Variants in CHN1 observed in about 807,000 individuals in gnomAD.
CHN1 encodes the protein N-chimaerin.
Under a neutral mutation model 59.5 loss-of-function variants are expected in CHN1, and 37 were observed. The ratio of observed to expected loss-of-function variants is 0.62; its 90% CI spans 0.48 to 0.82. The LOEUF (loss-of-function observed/expected upper bound fraction) is 0.82, where lower values mean the gene tolerates loss of function less well. Ranked by LOEUF, CHN1 falls within the 40% of genes least tolerant of loss-of-function variation. The pLI, the probability that CHN1 is intolerant of heterozygous loss-of-function variation, is 0.00. For missense variants in CHN1, 469 were observed against 571.0 expected, an observed-to-expected ratio of 0.82 and a Z score of 1.82; for synonymous variants, 206 against 200.4, an observed-to-expected ratio of 1.03 and a Z score of -0.24.
At chr2:174,841,567 C>T (rs1686303315) in intron 7 of CHN1, among the ~76,000 whole-genome samples, 1 of 152,098 alleles carries the variant, frequency 6.6e-6, no homozygotes, top group Non-Finnish European at 1.5e-5. Context: ...TTTTTGTCTT[C>T]TCTTGCAAGT....
chr2:174,943,984 T>C (rs1689750449), intron 3 of CHN1, among the ~76,000 whole-genome samples: 1 of 152,188 alleles, frequency 6.6e-6, no homozygotes, highest in Non-Finnish European at 1.5e-5. Context: ...TTTTCTATTC[T>C]TTCATATGAA....
chr2:174,868,145 T>C (rs1212268191), intron 6 of CHN1, among the ~76,000 whole-genome samples: 2 of 152,204 alleles, frequency 1.3e-5, no homozygotes, highest in Non-Finnish European at 2.9e-5. Flanking sequence ...CTTGGAAAAA[T>C]ATCTTAAATT....
At chr2:174,821,723 C>T (rs1398793770) in intron 8 of CHN1, 2 of 463,264 alleles carry the variant, frequency 4.3e-6, no homozygotes, top group Non-Finnish European at 8.9e-6. Flanking sequence ...AGAGTTGGAC[C>T]CTTACCAGAC....
chr2:174,855,264 T>C (rs1686866520), intron 6 of CHN1, among the ~76,000 whole-genome samples: 1 of 152,128 alleles, frequency 6.6e-6, no homozygotes, highest in African/African-American at 2.4e-5. Context: ...ATGCTCCAGT[T>C]ATCAAAGCTA....
intron 5 of CHN1, among the ~76,000 whole-genome samples, chr2:174,901,556 A>G (rs975478645): frequency 6.6e-6 from 1 of 152,216 alleles, no homozygotes; most frequent in Non-Finnish European, 1.5e-5. Context: ...ACAATTCATT[A>G]AAGTCTAATC....
At chr2:174,919,351 G>C (rs1688938010) in intron 3 of CHN1, among the ~76,000 whole-genome samples, 1 of 152,158 alleles carries the variant, frequency 6.6e-6, no homozygotes, top group Non-Finnish European at 1.5e-5. Context: ...ATTAAGCTGG[G>C]TGGTTAGCAA....
rs1689874049 is a variant in CHN1 at position 174,947,416 on chromosome 2, A to G, written c.59-2473T>C. ...CTGTTTCATAACGAGGAACTTTTAGACAAATGCCTCCTGATTGGCTACCAG... is the reference window on the plus strand; with the variant it reads ...CTGTTTCATAACGAGGAACTTTTAGGCAAATGCCTCCTGATTGGCTACCAG... On this transcript the variant is annotated intron_variant, in intron 2 of 12. Transcript: ENST00000409900. 8.5e-5 allele frequency among the ~76,000 whole-genome samples: 13 copies of G among 152,152 alleles called. No individual in the cohort carries two copies. The South Asian group carries it at 2.5e-3, about 29-fold the overall frequency.
intron 9 of CHN1, 64 bp from the exon 10 acceptor site, chr2:174,811,652 A>AG: frequency 2.1e-6 from 2 of 960,752 alleles, no homozygotes; most frequent in Non-Finnish European, 3.2e-6. Context: ...AACTCCTCAC[A>AG]CTTTAAGCTG....
intron 6 of CHN1, among the ~76,000 whole-genome samples, chr2:174,858,693 T>C (rs1045264059): frequency 2.6e-5 from 4 of 152,124 alleles, no homozygotes; most frequent in Admixed American, 6.6e-5. Flanking sequence ...ATAAAACTAA[T>C]AGAAAACTTA....
intron 1 of CHN1, among the ~76,000 whole-genome samples, chr2:174,976,740 C>T (rs1376254298): frequency 6.6e-6 from 1 of 152,126 alleles, no homozygotes; most frequent in Non-Finnish European, 1.5e-5. Flanking sequence ...TCCATAATTG[C>T]AAAATATTTT....
intron 3 of CHN1, among the ~76,000 whole-genome samples, chr2:174,928,286 A>C (rs1315815473): frequency 6.6e-6 from 1 of 152,220 alleles, no homozygotes; most frequent in Non-Finnish European, 1.5e-5. Context: ...TTTTAAGTCA[A>C]AATTAGAATT....
chr2:174,967,500 A>G (rs562640164), intron 1 of CHN1, among the ~76,000 whole-genome samples: 1 of 152,276 alleles, frequency 6.6e-6, no homozygotes, highest in Non-Finnish European at 1.5e-5. Context: ...TCGTGTTCCA[A>G]TGTTCATGTT....
intron 5 of CHN1, among the ~76,000 whole-genome samples, chr2:174,885,123 TA>T (rs557769053): frequency 0.038 from 5,147 of 134,764 alleles, 276 homozygotes; most frequent in African/African-American, 0.12. Context: ...CCATCTCTAC[TA>T]AAAAAAAAAA....
intron 7 of CHN1, 72 bp from the exon 8 acceptor site, chr2:174,824,590 G>A (rs1685619817): frequency 2.4e-6 from 2 of 816,490 alleles, no homozygotes; most frequent in African/African-American, 1.7e-5. Flanking sequence ...TCATATCAAA[G>A]CACTAATATA....
At chr2:174,827,759 CA>C (rs1191811719) in intron 7 of CHN1, among the ~76,000 whole-genome samples, 1 of 152,142 alleles carries the variant, frequency 6.6e-6, no homozygotes, top group Non-Finnish European at 1.5e-5. Flanking sequence ...GAGGCAGAAT[CA>C]ACAGCGCTTG....
intron 2 of CHN1, among the ~76,000 whole-genome samples, chr2:174,946,900 T>TAAAAAA (rs34155510): frequency 5.0e-5 from 5 of 100,218 alleles, no homozygotes; most frequent in Admixed American, 2.3e-4. Flanking sequence ...CTAAAAAATG[T>TAAAAAA]AAAAAAAAAA....
intron 8 of CHN1, among the ~76,000 whole-genome samples, chr2:174,822,320 G>A (rs967383398): frequency 1.3e-5 from 2 of 152,180 alleles, no homozygotes; most frequent in Non-Finnish European, 2.9e-5. Flanking sequence ...GTGGGTGGCT[G>A]TGGAGATGGG....
intron 1 of CHN1, among the ~76,000 whole-genome samples, chr2:174,969,469 C>T (rs530079053): frequency 3.3e-5 from 5 of 152,304 alleles, no homozygotes; most frequent in African/African-American, 1.2e-4. Context: ...ACTAAGCCCC[C>T]GAGTTCATCT....
intron 6 of CHN1, among the ~76,000 whole-genome samples, chr2:174,871,034 A>G (rs1455400043): frequency 2.0e-5 from 3 of 152,116 alleles, no homozygotes; most frequent in Admixed American, 6.5e-5. Flanking sequence ...TCTGTGGGTG[A>G]TAAGATGGAA....
Sources: gnomAD v4.1 joint callset for allele counts (sites outside exome capture counted in the v4.1 genomes callset) on GRCh38, gnomAD v4.1.1 for gene constraint, MANE v1.5 for transcripts, NCBI Gene and HGNC (gene_info 2026-07-23, HGNC 2026-07-21) for gene names.